Variants in NRG1 observed in about 807,000 individuals in gnomAD.
The protein encoded by NRG1 is pro-neuregulin-1, membrane-bound isoform.
In NRG1, 18 loss-of-function variants were observed where a neutral mutation model predicts 63.8. The ratio of observed to expected loss-of-function variants is 0.28; its 90% CI spans 0.19 to 0.42. NRG1 has a LOEUF of 0.42. Ranked by LOEUF, NRG1 falls within the 10% of genes least tolerant of loss-of-function variation. The pLI, the probability that NRG1 is intolerant of heterozygous loss-of-function variation, is 1.00. For synonymous variants in NRG1, 302 were observed against 301.3 expected, an observed-to-expected ratio of 1.00 and a Z score of -0.02; for missense variants, 762 against 814.7, an observed-to-expected ratio of 0.94 and a Z score of 0.79.
At position 31,931,085 on chromosome 8, in the gene NRG1, A is replaced by T. The variant is rs746437382; in HGVS notation, c.37+291654A>T. Among the ~76,000 whole-genome samples the T allele has an allele frequency of 2.0e-5, 3 of 152,266 alleles. No homozygotes were observed. The South Asian group carries it at 6.2e-4, about 32-fold the overall frequency. ...GGCTATTTCCACCGGACTTTTGCTC[A>T]TCTACTTCCTCCCTGGAGAATGGTG... On this transcript the variant is annotated intron_variant, in intron 1 of 10. Coordinates refer to the NRG1 transcript ENST00000519301.
At chr8:32,204,991 TTAAA>T (rs1197201948) in intron 1 of NRG1, among the ~76,000 whole-genome samples, 11 of 152,132 alleles carry the variant, frequency 7.2e-5, no homozygotes. Flanking sequence ...AAGTAACTAA[TTAAA>T]TAATGTGTGG....
chr8:32,606,777 T>A (rs185065775), intron 3 of NRG1, among the ~76,000 whole-genome samples: 17 of 152,272 alleles, frequency 1.1e-4, no homozygotes, highest in Non-Finnish European at 2.5e-4. Context: ...ATTCTGCATT[T>A]CAAAGGCAAG....
chr8:31,829,923 A>G (rs561258861), intron 1 of NRG1, among the ~76,000 whole-genome samples: 2 of 152,230 alleles, frequency 1.3e-5, no homozygotes, highest in Non-Finnish European at 2.9e-5. Context: ...CTATTCGAGA[A>G]AGTGGATCAA....
chr8:32,609,423 T>C (rs987291514), intron 3 of NRG1, among the ~76,000 whole-genome samples: 2 of 151,968 alleles, frequency 1.3e-5, no homozygotes, highest in Admixed American at 6.6e-5. Context: ...ACACTTTTTC[T>C]GAGAGAAAAA....
At chr8:32,080,009 G>A (rs1462886) in intron 1 of NRG1, among the ~76,000 whole-genome samples, 147,905 of 152,188 alleles carry the variant, frequency 0.97, 72,017 homozygotes, top group East Asian at 1. Flanking sequence ...ATAGCAAAGG[G>A]GACAAGACTC....
At chr8:32,510,922 T>C (rs1158055976) in intron 1 of NRG1, among the ~76,000 whole-genome samples, 1 of 151,692 alleles carries the variant, frequency 6.6e-6, no homozygotes, top group Non-Finnish European at 1.5e-5. Flanking sequence ...TTTTTCTGTA[T>C]TCTGTTGGAA....
At chr8:31,932,889 A>G (rs1444931587) in intron 1 of NRG1, among the ~76,000 whole-genome samples, 1 of 152,170 alleles carries the variant, frequency 6.6e-6, no homozygotes, top group Non-Finnish European at 1.5e-5. Context: ...GTTTATGTGT[A>G]GTATATGATT....
intron 1 of NRG1, among the ~76,000 whole-genome samples, chr8:31,938,542 G>T (rs1338773710): frequency 6.6e-6 from 1 of 152,058 alleles, no homozygotes. Context: ...ACCAGCAATG[G>T]ATCCAAACCA....
At chr8:32,126,677 A>G (rs1001383781) in intron 1 of NRG1, among the ~76,000 whole-genome samples, 2 of 151,930 alleles carry the variant, frequency 1.3e-5, no homozygotes, top group Admixed American at 1.3e-4. Context: ...GACCCAGCCC[A>G]TGGTGGCACT....
Position 31,989,253 on chromosome 8 carries a change from C to CAAAAAAAAAAAAAAAAAAAAAA in NRG1, c.37+349842_37+349843insAAAAAAAAAAAAAAAAAAAAAA, listed in dbSNP as rs10692906. Reference sequence around the variant, plus strand: ...CCTGGGTGAGAGAGAGACTCTGTCTCAAAAAAAAAAAAAAAAAAAAGAACA... The same window carrying CAAAAAAAAAAAAAAAAAAAAAA: ...CCTGGGTGAGAGAGAGACTCTGTCTCAAAAAAAAAAAAAAAAAAAAAAAAAAAAAAAAAAAAAAAAAAGAACA... On this transcript the variant is annotated intron_variant, in intron 1 of 10. Transcript: ENST00000519301. 1.1e-3 allele frequency among the ~76,000 whole-genome samples: 53 copies of CAAAAAAAAAAAAAAAAAAAAAA among 47,506 alleles called. 1 individual carries two copies. The highest frequency in any genetic ancestry group is 8.3e-3 in the East Asian group (5 of 602). The allele number at this position is 47,506 out of a possible 152,430, so 31.2% of individuals were successfully genotyped here.
intron 1 of NRG1, among the ~76,000 whole-genome samples, chr8:32,243,227 G>A (rs1237764976): frequency 6.6e-6 from 1 of 151,948 alleles, no homozygotes; most frequent in African/African-American, 2.4e-5. Context: ...AGTTCGAGAC[G>A]AGCCTGGCCA....
intron 1 of NRG1, among the ~76,000 whole-genome samples, chr8:32,231,229 A>T (rs1846901705): frequency 6.6e-6 from 1 of 152,146 alleles, no homozygotes; most frequent in African/African-American, 2.4e-5. Context: ...TGAATAGGAG[A>T]CTAATTTGAA....
chr8:32,677,706 T>C (rs1807510070), intron 5 of NRG1, among the ~76,000 whole-genome samples: 1 of 152,098 alleles, frequency 6.6e-6, no homozygotes, highest in Admixed American at 6.6e-5. Flanking sequence ...TGGAATTTTT[T>C]CTAAAATTTC....
intron 1 of NRG1, among the ~76,000 whole-genome samples, chr8:32,337,035 G>T (rs1803357817): frequency 1.3e-5 from 2 of 151,916 alleles, no homozygotes; most frequent in Admixed American, 1.3e-4. Context: ...TTTGAAACAG[G>T]GGCTCACCCT....
chr8:32,559,245 TA>T (rs545838945), intron 1 of NRG1, among the ~76,000 whole-genome samples: 1,443 of 96,758 alleles, frequency 0.015, 31 homozygotes, highest in African/African-American at 0.041. Context: ...CTCTAAAATG[TA>T]AAAAAAAAAA....
intron 3 of NRG1, among the ~76,000 whole-genome samples, chr8:32,611,320 G>A (rs1846321793): frequency 6.6e-6 from 1 of 152,022 alleles, no homozygotes; most frequent in African/African-American, 2.4e-5. Context: ...TTTAAAAATA[G>A]ACTCATACTG....
intron 1 of NRG1, among the ~76,000 whole-genome samples, chr8:31,940,776 C>T (rs1001496606): frequency 6.6e-6 from 1 of 151,970 alleles, no homozygotes; most frequent in Non-Finnish European, 1.5e-5. Context: ...AACACCTTTA[C>T]ACACATAAAC....
intron 1 of NRG1, among the ~76,000 whole-genome samples, chr8:32,382,219 G>A (rs1403945975): frequency 6.6e-6 from 1 of 152,120 alleles, no homozygotes; most frequent in Non-Finnish European, 1.5e-5. Flanking sequence ...GACAAATTTA[G>A]CAGGTGTCAG....
chr8:31,876,400 T>C (rs1829926597), intron 1 of NRG1, among the ~76,000 whole-genome samples: 1 of 152,220 alleles, frequency 6.6e-6, no homozygotes, highest in Non-Finnish European at 1.5e-5. Flanking sequence ...AAGCTTTCTA[T>C]TCATTTGAGT....
Sources: gnomAD v4.1 joint callset for allele counts (sites outside exome capture counted in the v4.1 genomes callset) on GRCh38, gnomAD v4.1.1 for gene constraint, MANE v1.5 for transcripts, NCBI Gene and HGNC (gene_info 2026-07-23, HGNC 2026-07-21) for gene names.